The following SATB2 variants were observed in gnomAD, a reference collection of about 807,000 sequenced individuals.
SATB2 encodes SATB homeobox 2, also known as DNA-binding protein SATB2.
A neutral mutation model predicts 73.4 loss-of-function variants in SATB2; 1 was observed. The observed-to-expected ratio is 0.01, with a 90% CI of 0.00 to 0.06. The LOEUF is 0.06. Ranked by LOEUF, SATB2 falls within the 10% of genes least tolerant of loss-of-function variation. The probability of loss-of-function intolerance (pLI) is 1.00; values close to 1 mark genes in which losing one functional copy is unlikely to be tolerated. For missense variants in SATB2, 459 were observed against 945.8 expected, an observed-to-expected ratio of 0.49 and a Z score of 6.75; for synonymous variants, 397 against 367.0, an observed-to-expected ratio of 1.08 and a Z score of -0.93.
At chr2:199,361,422 C>T (rs796312930) in intron 6 of SATB2, among the ~76,000 whole-genome samples, 2 of 151,932 alleles carry the variant, frequency 1.3e-5, no homozygotes, top group African/African-American at 4.8e-5. Flanking sequence ...AAAGCCAGGG[C>T]CTCACTTCCC....
rs537422958 is a variant in SATB2 at position 199,360,486 on chromosome 2, C to T, written c.700+8119G>A. On this transcript the variant is annotated intron_variant, in intron 6 of 10. Coordinates refer to ENST00000417098, the MANE Select transcript of SATB2 (RefSeq NM_001172509.2). ...TTCACTGCTAGGAGGTCATGCCAGCCCAGCCTCACACTTCATGGCATGAGC... is the reference window on the plus strand; with the variant it reads ...TTCACTGCTAGGAGGTCATGCCAGCTCAGCCTCACACTTCATGGCATGAGC... Among the ~76,000 whole-genome samples the T allele has an allele frequency of 2.2e-4, 34 of 152,260 alleles. 1 individual carries two copies. Among genetic ancestry groups the T allele is most frequent in the African/African-American group, 7.7e-4 (32 of 41,554 alleles).
At chr2:199,288,178 A>G (rs1382557762) in intron 10 of SATB2, among the ~76,000 whole-genome samples, 1 of 152,240 alleles carries the variant, frequency 6.6e-6, no homozygotes, top group East Asian at 1.9e-4. Flanking sequence ...ATGTCCATTT[A>G]GAGTGGGTTA....
At chr2:199,358,256 C>G (rs1689043823) in intron 6 of SATB2, among the ~76,000 whole-genome samples, 1 of 152,064 alleles carries the variant, frequency 6.6e-6, no homozygotes, top group South Asian at 2.1e-4. Context: ...TTTATTCTCT[C>G]CTAGTCAATA....
At chr2:199,323,763 A>C (rs755698677) in intron 9 of SATB2, 40 bp downstream of exon 9, 1 of 1,599,254 alleles carries the variant, frequency 6.3e-7, no homozygotes, top group Non-Finnish European at 8.6e-7. Flanking sequence ...AGAAGGATCT[A>C]ATTCCAGCCC....
intron 9 of SATB2, among the ~76,000 whole-genome samples, chr2:199,313,010 G>A (rs925477372): frequency 2.6e-5 from 4 of 152,066 alleles, no homozygotes; most frequent in South Asian, 2.1e-4. Context: ...TGTGGTTGCC[G>A]GCTACGATCC....
At chr2:199,403,533 C>T (rs992768287) in intron 3 of SATB2, among the ~76,000 whole-genome samples, 1 of 152,116 alleles carries the variant, frequency 6.6e-6, no homozygotes, top group African/African-American at 2.4e-5. Context: ...TTATCCTTCA[C>T]ATCATTTTGT....
chr2:199,355,841 T>G (rs1304168340), intron 6 of SATB2, among the ~76,000 whole-genome samples: 1 of 152,064 alleles, frequency 6.6e-6, no homozygotes. Context: ...ACAAGAAAAA[T>G]AGTTGTTTAT....
intron 9 of SATB2, among the ~76,000 whole-genome samples, chr2:199,311,732 G>A (rs1396381391): frequency 6.6e-6 from 1 of 152,102 alleles, no homozygotes; most frequent in African/African-American, 2.4e-5. Flanking sequence ...CTCATTCCAT[G>A]TATTTGTAAG....
At chr2:199,352,455 T>G (rs1413246022) in intron 6 of SATB2, among the ~76,000 whole-genome samples, 2 of 152,174 alleles carry the variant, frequency 1.3e-5, no homozygotes, top group African/African-American at 4.8e-5. Context: ...TCAGTCCATA[T>G]TCTTTAAGGT....
intron 7 of SATB2, among the ~76,000 whole-genome samples, chr2:199,341,328 G>A (rs1476952585): frequency 1.3e-5 from 2 of 152,210 alleles, no homozygotes; most frequent in African/African-American, 4.8e-5. Flanking sequence ...ACCTGATACA[G>A]CTGCTTATTC....
At chr2:199,383,005 G>A (rs971910063) in intron 3 of SATB2, among the ~76,000 whole-genome samples, 6 of 152,124 alleles carry the variant, frequency 3.9e-5, no homozygotes, top group Non-Finnish European at 7.3e-5. Flanking sequence ...TGGACTTTCT[G>A]GTCAGGGCAC....
intron 1 of SATB2, chr2:199,470,863 C>G (rs1427524977): frequency 6.6e-6 from 1 of 152,458 alleles, no homozygotes; most frequent in African/African-American, 2.4e-5. Flanking sequence ...CTGGCGACCC[C>G]GCTCACGTGT....
chr2:199,423,332 T>C (rs1691229087), intron 3 of SATB2, among the ~76,000 whole-genome samples: 2 of 152,060 alleles, frequency 1.3e-5, no homozygotes, highest in Non-Finnish European at 2.9e-5. Flanking sequence ...ACTTGAAAAA[T>C]ATTTGTTAAA....
chr2:199,361,596 C>T (rs1487901385), intron 6 of SATB2, among the ~76,000 whole-genome samples: 1 of 150,290 alleles, frequency 6.7e-6, no homozygotes, highest in African/African-American at 2.4e-5. Context: ...ATTCGTAAAA[C>T]CTCATTTTCA....
chr2:199,334,345 T>C (rs1043288515), intron 7 of SATB2, among the ~76,000 whole-genome samples: 2 of 152,214 alleles, frequency 1.3e-5, no homozygotes, highest in African/African-American at 4.8e-5. Flanking sequence ...TAAAGGTATA[T>C]GATTCAGAAC....
chr2:199,436,027 C>T (rs1434726952), intron 2 of SATB2, among the ~76,000 whole-genome samples: 1 of 152,092 alleles, frequency 6.6e-6, no homozygotes, highest in Non-Finnish European at 1.5e-5. Context: ...ACATAAGTTT[C>T]GATGCTGAAA....
chr2:199,317,131 A>G (rs1687758423), intron 9 of SATB2, among the ~76,000 whole-genome samples: 1 of 152,024 alleles, frequency 6.6e-6, no homozygotes, highest in Non-Finnish European at 1.5e-5. Context: ...TTTTTTAAAG[A>G]TCAGGGTGGG....
At chr2:199,370,946 C>CAAAAAAAAAAA (rs67348909) in intron 5 of SATB2, among the ~76,000 whole-genome samples, 1 of 69,550 alleles carries the variant, frequency 1.4e-5, no homozygotes, top group East Asian at 3.6e-4. Context: ...ATGAACTGAG[C>CAAAAAAAAAAA]AAAAAAAAAA....
At chr2:199,465,869 A>G (rs1288947390), upstream of SATB2, among the ~76,000 whole-genome samples, 1 of 152,228 alleles carries the variant, frequency 6.6e-6, no homozygotes, top group Non-Finnish European at 1.5e-5. Context: ...TTATTGTTAG[A>G]GTCATATGCT....
Sources: gnomAD v4.1 joint callset for allele counts (sites outside exome capture counted in the v4.1 genomes callset) on GRCh38, gnomAD v4.1.1 for gene constraint, MANE v1.5 for transcripts, NCBI Gene and HGNC (gene_info 2026-07-23, HGNC 2026-07-21) for gene names.